Variants in CPNE1 observed in about 807,000 individuals in gnomAD.
The protein encoded by CPNE1 is copine-1.
In CPNE1, 58 loss-of-function variants were observed where a neutral mutation model predicts 63.2. The ratio of observed to expected loss-of-function variants is 0.92; its 90% CI spans 0.74 to 1.14. CPNE1 has a LOEUF of 1.14. Among genes scored for constraint, CPNE1 ranks in the 50% most tolerant of loss-of-function variants. The pLI, the probability that CPNE1 is intolerant of heterozygous loss-of-function variation, is 0.00. For synonymous variants in CPNE1, 237 were observed against 249.0 expected (o/e 0.95, Z 0.45); for missense variants, 672 against 661.7 (o/e 1.02, Z -0.17).
intron 1 of CPNE1, among the ~76,000 whole-genome samples, chr20:35,661,779 G>A (rs1163623583): frequency 6.6e-6 from 1 of 152,122 alleles, no homozygotes; most frequent in Non-Finnish European, 1.5e-5. Context: ...AAACTAAAAC[G>A]ACTATTTTCA....
At chr20:35,632,123 C>T in intron 5 of CPNE1, 40 bp downstream of exon 5, 1 of 1,609,064 alleles carries the variant, frequency 6.2e-7, no homozygotes, top group South Asian at 1.1e-5. Flanking sequence ...ATCCTTGGCC[C>T]CTTAACTCTT....
chr20:35,648,540 ATTAT>A (rs2033288391), intron 1 of CPNE1, among the ~76,000 whole-genome samples: 1 of 152,204 alleles, frequency 6.6e-6, no homozygotes, highest in African/African-American at 2.4e-5. Context: ...TCAAATCCCG[ATTAT>A]TTAATAATGG....
intron 1 of CPNE1, chr20:35,655,350 G>C: frequency 6.3e-7 from 1 of 1,582,316 alleles, no homozygotes; most frequent in Non-Finnish European, 8.5e-7. Flanking sequence ...CACACCTGCA[G>C]ATGAGAAAAG....
chr20:35,636,877 T>G (rs575303559), intron 1 of CPNE1, among the ~76,000 whole-genome samples: 3 of 152,140 alleles, frequency 2.0e-5, no homozygotes, highest in Non-Finnish European at 4.4e-5. Flanking sequence ...CAGATTTGAA[T>G]ACAAACATAA....
Position 35,626,720 on chromosome 20 carries a change from G to C in CPNE1, c.1320C>G (p.Asn440Lys). Reference protein sequence around the residue: ...ATREAVVRASNLPMSVIIVGV... With the variant: ...ATREAVVRASKLPMSVIIVGV... The stretch of plus-strand genomic sequence containing the variant: ...CCACAATGATCACTGACATGGGCAG[G>C]TTCGAGGCACGCACCACAGCCTCAC... The change falls in exon 15 of 16, where the codon AAC becomes AAG. Residue 440 changes from asparagine (N) to lysine (K), a missense_variant. Coordinates refer to ENST00000397443, the MANE Select transcript of CPNE1 (RefSeq NM_152925.3). 1 of 1,614,178 alleles carries C rather than the reference G, an allele frequency of 6.2e-7. No homozygotes were observed. Among genetic ancestry groups the C allele is most frequent in the Admixed American group, 1.7e-5 (1 of 60,014 alleles).
chr20:35,647,179 T>C (rs1322576850), intron 1 of CPNE1: 1 of 152,094 alleles, frequency 6.6e-6, no homozygotes, highest in African/African-American at 2.4e-5. Context: ...CTGGGCATGG[T>C]GGCAGATGCC....
At chr20:35,648,277 A>T (rs1179991848) in intron 1 of CPNE1, among the ~76,000 whole-genome samples, 1 of 152,224 alleles carries the variant, frequency 6.6e-6, no homozygotes, top group African/African-American at 2.4e-5. Context: ...ATAAAAAAGG[A>T]AAGCCATAAG....
rs2032233994 is a variant in CPNE1, at chr20:35,632,611, T to C, written c.215A>G (p.Gln72Arg). Residue 72 changes from glutamine to arginine, a missense_variant, in exon 3 of 16, where the codon CAG becomes CGG. Coordinates refer to ENST00000397443, the MANE Select transcript of CPNE1 (RefSeq NM_152925.3). The stretch of plus-strand genomic sequence containing the variant: ...GTCATAGATTCCAAAGCGTAGCTTC[T>C]GGACTGTCTCAAAGCGGTACTCAAG... The part of the protein sequence containing the change: ...LQLEYRFETV[Q>R]KLRFGIYDID... 1.9e-6 allele frequency: 3 copies of C among 1,596,260 alleles called. No individual in the cohort carries two copies. Among genetic ancestry groups the C allele is most frequent in the East Asian group, 2.2e-5 (1 of 44,786 alleles).
intron 12 of CPNE1, 54 bp downstream of exon 12, chr20:35,630,687 A>G: frequency 1.3e-6 from 2 of 1,597,766 alleles, no homozygotes; most frequent in Admixed American, 1.7e-5. Flanking sequence ...CACATCCCCC[A>G]AAATCAGGAC....
At chr20:35,653,394 C>G (rs1196455039) in intron 1 of CPNE1, 1 of 1,614,154 alleles carries the variant, frequency 6.2e-7, no homozygotes, top group Non-Finnish European at 8.5e-7. Flanking sequence ...GATTACCTGG[C>G]ACAGGCATCT....
chr20:35,652,534 A>G, intron 1 of CPNE1: 1 of 1,610,498 alleles, frequency 6.2e-7, no homozygotes, highest in Non-Finnish European at 8.5e-7. Flanking sequence ...CTACCCTAAT[A>G]CAAGTTTTAC....
In CPNE1 at chr20:35,627,285, C is replaced by G. The variant is rs775874171; in HGVS notation, c.1231G>C (p.Ala411Pro). 262 of 1,612,826 alleles carry G rather than the reference C, an allele frequency of 1.6e-4. 3 individuals are homozygous for G. In the South Asian group the frequency reaches 2.4e-3, roughly 15 times the overall value. Residue 411 changes from alanine to proline, a missense_variant, in exon 14 of 16, where the codon GCC becomes CCC. Physicochemically the swap from Ala to Pro is conservative, Grantham distance 27. Transcript: ENST00000397443. The stretch of plus-strand genomic sequence containing the variant: ...CTGCCACCCACGACTCTCACCGAGG[C>G]AGTCCCCTGATGTGCAGCCTGGGCT... Reference protein sequence around the residue: ...FAAQAAHQGTASQYFMLLLLT... With the variant: ...FAAQAAHQGTPSQYFMLLLLT...
intron 1 of CPNE1, chr20:35,652,583 C>G: frequency 1.2e-6 from 2 of 1,614,208 alleles, no homozygotes; most frequent in Non-Finnish European, 1.7e-6. Flanking sequence ...AAGTCAATGA[C>G]AGCAGCTGTG....
chr20:35,630,230 G>A (rs2032029107), intron 13 of CPNE1, among the ~76,000 whole-genome samples: 2 of 152,230 alleles, frequency 1.3e-5, no homozygotes, highest in Non-Finnish European at 2.9e-5. Context: ...GTAGGCAGAG[G>A]TTGCAAGTGA....
intron 1 of CPNE1, among the ~76,000 whole-genome samples, chr20:35,642,564 C>T (rs572029579): frequency 6.6e-6 from 1 of 152,290 alleles, no homozygotes; most frequent in East Asian, 1.9e-4. Context: ...CACCAACCAC[C>T]ACCACTCTTC....
At chr20:35,637,013 T>G (rs2032525605) in intron 1 of CPNE1, among the ~76,000 whole-genome samples, 1 of 152,172 alleles carries the variant, frequency 6.6e-6, no homozygotes, top group South Asian at 2.1e-4. Context: ...TGTTTTGTAT[T>G]TTTTAAAAGG....
chr20:35,629,887 G>T (rs925276520), intron 13 of CPNE1, among the ~76,000 whole-genome samples: 7 of 152,124 alleles, frequency 4.6e-5, no homozygotes, highest in African/African-American at 1.7e-4. Flanking sequence ...TCAAATTCCT[G>T]GGCTCAAGCG....
At chr20:35,651,514 T>A (rs1406889128) in intron 1 of CPNE1, 1 of 152,236 alleles carries the variant, frequency 6.6e-6, no homozygotes, top group Non-Finnish European at 1.5e-5. Flanking sequence ...AAAGATAATT[T>A]CAACTTCAGT....
Position 35,653,634 on chromosome 20 carries a change from G to C in CPNE1, c.-1+11126C>G. 1.1e-5 allele frequency: 18 copies of C among 1,614,130 alleles called. No homozygotes were observed. The highest frequency in any genetic ancestry group is 1.5e-5 in the Non-Finnish European group (18 of 1,180,042). On this transcript the variant is annotated intron_variant, in intron 1 of 15. Coordinates refer to ENST00000397443, the MANE Select transcript of CPNE1 (RefSeq NM_152925.3). ...TTTCATCCACTGGGATTCCTTCTAG[G>C]AACTGAAGAACATCCATCTTTGTAA...
Sources: allele counts gnomAD v4.1 joint callset (sites outside exome capture counted in the v4.1 genomes callset), GRCh38; gene constraint gnomAD v4.1.1; transcripts MANE v1.5; gene names NCBI Gene and HGNC (gene_info 2026-07-23, HGNC 2026-07-21).